The following STK3 variants were observed in gnomAD, a reference collection of about 807,000 sequenced individuals.
STK3 encodes serine/threonine kinase 3.
Under a neutral mutation model 58.0 loss-of-function variants are expected in STK3, and 41 were observed. The observed-to-expected ratio is 0.71, with a 90% confidence interval of 0.55 to 0.92. The LOEUF (loss-of-function observed/expected upper bound fraction) is 0.92. Ranked by LOEUF, STK3 falls within the 40% of genes least tolerant of loss-of-function variation. The pLI is 0.00. For missense variants in STK3, 479 were observed against 602.7 expected (o/e 0.79, Z 2.15); for synonymous variants, 170 against 191.0 (o/e 0.89, Z 0.91).
At chr8:98,768,176 T>C (rs1831061510) in intron 2 of STK3, among the ~76,000 whole-genome samples, 2 of 152,202 alleles carry the variant, frequency 1.3e-5, no homozygotes, top group Non-Finnish European at 2.9e-5. Flanking sequence ...GTGTTTTACA[T>C]GCATTATGAA....
At chr8:98,611,770 T>C (rs1467649829) in intron 6 of STK3, among the ~76,000 whole-genome samples, 1 of 152,154 alleles carries the variant, frequency 6.6e-6, no homozygotes, top group African/African-American at 2.4e-5. Flanking sequence ...TCTGGTGTTG[T>C]CTAGGCCTAG....
chr8:98,445,129 T>C (rs1257848156), intron 1 of STK3, among the ~76,000 whole-genome samples: 1 of 152,216 alleles, frequency 6.6e-6, no homozygotes, highest in Non-Finnish European at 1.5e-5. Context: ...CGGTTTTTAA[T>C]ATATTCAGAG....
intron 7 of STK3, among the ~76,000 whole-genome samples, chr8:98,583,679 T>C (rs553120063): frequency 1.3e-5 from 2 of 152,342 alleles, no homozygotes; most frequent in South Asian, 2.1e-4. Context: ...AGGCAGCTTC[T>C]TGCGTCTTTC....
intron 1 of STK3, among the ~76,000 whole-genome samples, chr8:98,796,845 A>G (rs1247569973): frequency 6.6e-6 from 1 of 152,246 alleles, no homozygotes; most frequent in Non-Finnish European, 1.5e-5. Flanking sequence ...AGCCAAACAT[A>G]TGAAAAAATG....
At chr8:98,390,944 A>G (rs1056218430), upstream of STK3, among the ~76,000 whole-genome samples, 2 of 152,166 alleles carry the variant, frequency 1.3e-5, no homozygotes, top group South Asian at 2.1e-4. Flanking sequence ...ATTCATGTGA[A>G]GCAAATTCAC....
intron 5 of STK3, 109 bp downstream of exon 5, chr8:98,707,038 A>G (rs1175212681): frequency 8.2e-7 from 1 of 1,223,046 alleles, no homozygotes; most frequent in African/African-American, 1.6e-5. Flanking sequence ...CAAAAATTAA[A>G]AAACTACACA....
intron 6 of STK3, among the ~76,000 whole-genome samples, chr8:98,626,833 C>T (rs1318813026): frequency 1.3e-5 from 2 of 152,188 alleles, no homozygotes; most frequent in Non-Finnish European, 2.9e-5. Flanking sequence ...AATCACCAAC[C>T]AAACAGCTTC....
At chr8:98,714,622 G>A (rs1403321279) in intron 4 of STK3, among the ~76,000 whole-genome samples, 2 of 152,148 alleles carry the variant, frequency 1.3e-5, no homozygotes, top group South Asian at 2.1e-4. Context: ...ACTGCTCAAT[G>A]AAATAAAAGA....
At chr8:98,900,991 G>A (rs1002072489) in intron 1 of STK3, among the ~76,000 whole-genome samples, 10 of 152,064 alleles carry the variant, frequency 6.6e-5, no homozygotes, top group Admixed American at 5.9e-4. Flanking sequence ...TTTTCACTTA[G>A]CATTATCATA....
chr8:98,496,726 A>G (rs947566563), intron 10 of STK3, among the ~76,000 whole-genome samples: 4 of 152,178 alleles, frequency 2.6e-5, no homozygotes, highest in African/African-American at 4.8e-5. Flanking sequence ...CACAAAAGAT[A>G]ATACTGTATT....
intron 9 of STK3, among the ~76,000 whole-genome samples, chr8:98,535,019 G>A (rs181186736): frequency 2.6e-5 from 4 of 152,054 alleles, no homozygotes; most frequent in African/African-American, 9.7e-5. Context: ...ATATTTAGTT[G>A]TAAGTTCTGT....
chr8:98,851,690 G>A (rs569623018), intron 3 of STK3, among the ~76,000 whole-genome samples: 1 of 152,344 alleles, frequency 6.6e-6, no homozygotes, highest in South Asian at 2.1e-4. Flanking sequence ...GTAGGGCATG[G>A]TGGCTTATGC....
chr8:98,641,932 G>A (rs1217972881), intron 6 of STK3, among the ~76,000 whole-genome samples: 1 of 152,162 alleles, frequency 6.6e-6, no homozygotes, highest in Non-Finnish European at 1.5e-5. Context: ...TCAAGGTGCT[G>A]CTTTACAGAC....
rs369434776 is a variant in STK3, at chr8:98,550,711, C to T, written c.949-2550G>A. 1.2e-4 allele frequency among the ~76,000 whole-genome samples: 19 copies of T among 152,248 alleles called. 1 individual carries two copies. In the South Asian group the frequency reaches 3.9e-3, roughly 32 times the overall value. On this transcript the variant is annotated intron_variant, in intron 8 of 10. Transcript: ENST00000419617. ...CCTGACTGAGGACTCTCCCATCTAA[C>T]TTTCTAGAGTCAGACAGACATTAGT...
chr8:98,893,989 T>C (rs951154030), intron 1 of STK3, among the ~76,000 whole-genome samples: 2 of 152,228 alleles, frequency 1.3e-5, no homozygotes, highest in African/African-American at 4.8e-5. Context: ...ATAATCAGTA[T>C]AGCGGAAGGA....
At chr8:98,567,413 G>A (rs375002019) in intron 8 of STK3, among the ~76,000 whole-genome samples, 10 of 152,236 alleles carry the variant, frequency 6.6e-5, no homozygotes, top group African/African-American at 2.4e-4. Context: ...GCTCAGGCTG[G>A]TCTTGAACTC....
At chr8:98,658,207 A>T (rs1821690981) in intron 6 of STK3, among the ~76,000 whole-genome samples, 1 of 152,072 alleles carries the variant, frequency 6.6e-6, no homozygotes, top group Non-Finnish European at 1.5e-5. Context: ...AAATTATAGG[A>T]TATATGGTAA....
At chr8:98,443,917 CTAAA>C (rs2131102318) in intron 1 of STK3, among the ~76,000 whole-genome samples, 1 of 152,284 alleles carries the variant, frequency 6.6e-6, no homozygotes, top group East Asian at 1.9e-4. Flanking sequence ...GACTATGTCT[CTAAA>C]TAAATAAATA....
the STK3 span, among the ~76,000 whole-genome samples, chr8:98,355,762 G>C: frequency 2.0e-5 from 3 of 152,186 alleles, no homozygotes; most frequent in Non-Finnish European, 2.9e-5. Flanking sequence ...AGACAAGATG[G>C]ATGTAATACC....
Sources: gnomAD v4.1 joint callset for allele counts (sites outside exome capture counted in the v4.1 genomes callset) on GRCh38, gnomAD v4.1.1 for gene constraint, MANE v1.5 for transcripts, NCBI Gene and HGNC (gene_info 2026-07-23, HGNC 2026-07-21) for gene names.